Variants in PBXIP1 observed in about 807,000 individuals in gnomAD.
PBXIP1 encodes PBX homeobox interacting protein 1.
A neutral mutation model predicts 73.7 loss-of-function variants in PBXIP1; 73 were observed. The ratio of observed to expected loss-of-function variants is 0.99; its 90% CI spans 0.82 to 1.20. The LOEUF is 1.20. Ranked by LOEUF, PBXIP1 falls within the 50% of genes most tolerant of loss-of-function variation. The pLI, the probability that PBXIP1 is intolerant of heterozygous loss-of-function variation, is 0.00. For synonymous variants in PBXIP1, 330 were observed against 366.9 expected, an observed-to-expected ratio of 0.90 and a Z score of 1.15; for missense variants, 818 against 911.4, an observed-to-expected ratio of 0.90 and a Z score of 1.32.
intron 2 of PBXIP1, 109 bp downstream of exon 2, chr1:154,953,562 T>C (rs1655076425): frequency 5.9e-6 from 4 of 676,052 alleles, no homozygotes; most frequent in South Asian, 1.7e-5. Context: ...CAGGAAGTGA[T>C]GTAGGTGACC....
Position 154,951,710 on chromosome 1 carries a change from T to A in PBXIP1, c.178+85A>T. On this transcript the variant is annotated intron_variant, in intron 3 of 10. Transcript: ENST00000368463. The surrounding 1 kb of genome is among the most constrained non-coding windows in gnomAD (Gnocchi z 4.3). ...ATGGAGGAACTAAAACGAACCAGCC[T>A]CCCTTTCTCTGAGGAAACTGAGAAA... The A allele has an allele frequency of 6.6e-7, 1 of 1,513,432 alleles. No individual in the cohort carries two copies. The highest frequency in any genetic ancestry group is 9.1e-7 in the Non-Finnish European group (1 of 1,101,726). The allele number at this position is 1,513,432 out of a possible 1,614,324, so 93.8% of individuals were successfully genotyped here. A position where few individuals can be genotyped will look rare whatever the true frequency, so the allele number is the denominator to read the frequency against.
intron 2 of PBXIP1, 44 bp downstream of exon 2, chr1:154,953,627 C>A: frequency 3.7e-6 from 5 of 1,342,968 alleles, no homozygotes; most frequent in Non-Finnish European, 5.3e-6. Flanking sequence ...TGCAGAAACA[C>A]CCCCCAACCC....
chr1:154,955,590 G>A (rs936627156), intron 1 of PBXIP1, among the ~76,000 whole-genome samples: 1 of 152,110 alleles, frequency 6.6e-6, no homozygotes, highest in Non-Finnish European at 1.5e-5. Flanking sequence ...GCCTTATTAG[G>A]AAGTTCCTTC....
chr1:154,947,777 C>T (rs1571397266), intron 7 of PBXIP1, 65 bp from the exon 8 acceptor site: 1 of 1,525,190 alleles, frequency 6.6e-7, no homozygotes, highest in East Asian at 2.3e-5. Flanking sequence ...CCCACACCTT[C>T]CCATTCACAC....
intron 10 of PBXIP1, 134 bp from the exon 11 acceptor site, chr1:154,945,251 T>G (rs1252808699): frequency 3.0e-6 from 2 of 666,624 alleles, no homozygotes; most frequent in Admixed American, 2.8e-5. Flanking sequence ...AAAAACCTGG[T>G]CTCCCAGGAT....
At chr1:154,947,777 C>A in intron 7 of PBXIP1, 65 bp from the exon 8 acceptor site, 2 of 1,525,190 alleles carry the variant, frequency 1.3e-6, no homozygotes, top group Non-Finnish European at 1.8e-6. Context: ...CCCACACCTT[C>A]CCATTCACAC....
In PBXIP1 at chr1:154,946,817, T is replaced by A. The variant is rs1446275952; in HGVS notation, c.871-14A>T. The A allele has an allele frequency of 6.6e-7, 1 of 1,516,360 alleles. No individual in the cohort carries two copies. Among genetic ancestry groups the A allele is most frequent in the African/African-American group, 1.4e-5 (1 of 71,712 alleles). 93.9% of individuals were successfully genotyped at this position (1,516,360 alleles called of 1,614,324 possible). ...TTCCTTTTGGGCCTAGAATATGGTTTGGGACAAAGGAAGTCACAAAGAGTT... is the reference window on the plus strand; with the variant it reads ...TTCCTTTTGGGCCTAGAATATGGTTAGGGACAAAGGAAGTCACAAAGAGTT... On this transcript the variant is annotated splice_polypyrimidine_tract_variant and intron_variant, in intron 9 of 10. Transcript: ENST00000368463.
chr1:154,948,936 A>G (rs1046067940), intron 5 of PBXIP1, among the ~76,000 whole-genome samples: 4 of 152,050 alleles, frequency 2.6e-5, no homozygotes, highest in African/African-American at 9.7e-5. Context: ...CAAACATTCA[A>G]CACACTGCTC....
chr1:154,946,716 C>T lies in PBXIP1; in HGVS notation c.958G>A (p.Gly320Ser), dbSNP rs1173731894. The part of the protein sequence containing the change: ...NAQLRGALQQ[G>S]EAFQRALESE... ...TCCAGAGCCCGCTGGAAGGCTTCGC[C>T]CTGCTGCAGAGCCCCCCGGAGCTGG... The change falls in exon 10 of 11, where the codon GGC (glycine) becomes AGC (serine). Residue 320 changes from glycine (G) to serine (S), a missense_variant. Transcript: ENST00000368463. 6.2e-7 allele frequency: 1 copy of T among 1,609,710 alleles called. No homozygotes were observed. The highest frequency in any genetic ancestry group is 8.5e-7 in the Non-Finnish European group (1 of 1,176,974).
At chr1:154,954,300 G>C (rs1283417066) in intron 1 of PBXIP1, among the ~76,000 whole-genome samples, 1 of 152,188 alleles carries the variant, frequency 6.6e-6, no homozygotes, top group Non-Finnish European at 1.5e-5. Flanking sequence ...GTATGGTCTA[G>C]TTCAGTGGTT....
chr1:154,945,762 G>C lies in PBXIP1; in HGVS notation c.1912C>G (p.Leu638Val). ...WAGQLTKELP[L>V]SPAFFGEDGI... ...TCCTCACCAAAGAAAGCAGGTGAGA[G>C]GGGTAGCTCCTTGGTCAGCTGCCCA... Residue 638 changes from leucine (L) to valine (V), a missense_variant, in exon 10 of 11, where the codon CTC becomes GTC. Coordinates refer to ENST00000368463, the MANE Select transcript of PBXIP1 (RefSeq NM_020524.4). 1 of 1,614,222 alleles carries C rather than the reference G, an allele frequency of 6.2e-7. No individual in the cohort carries two copies. The highest frequency in any genetic ancestry group is 8.5e-7 in the Non-Finnish European group (1 of 1,180,020).
chr1:154,946,463 A>T lies in PBXIP1; in HGVS notation c.1211T>A (p.Leu404Gln), dbSNP rs75991575. The part of the protein sequence containing the change: ...LRQELERQRR[L>Q]LGSVQQDLER... ...CAGATCCTGCTGTACAGACCCCAGC[A>T]GCCGTCGCTGCCTCTCTAACTCTTG... The change falls in exon 10 of 11, where the codon CTG becomes CAG. Residue 404 changes from leucine to glutamine, a missense_variant. Coordinates refer to ENST00000368463, the MANE Select transcript of PBXIP1 (RefSeq NM_020524.4). 2,227 of 1,608,520 alleles carry T rather than the reference A, an allele frequency of 1.4e-3. 53 individuals carry two copies. In the East Asian group the frequency reaches 0.045, roughly 33 times the overall value.
chr1:154,945,559 C>A lies in PBXIP1; in HGVS notation c.2102+13G>T, dbSNP rs745919023. 3.1e-6 allele frequency: 5 copies of A among 1,606,146 alleles called. No individual in the cohort carries two copies. The highest frequency in any genetic ancestry group is 1.7e-5 in the Admixed American group (1 of 59,784). On this transcript the variant is annotated intron_variant, in intron 10 of 10. Transcript: ENST00000368463. ...TCTGTCCCACCCGACCCAACTCCCC[C>A]ACAGCTGCCCACCTCTTCTTCAGTG...
At position 154,944,768 on chromosome 1, in the gene PBXIP1, T is replaced by C; in HGVS notation, c.*256A>G. 1 of 456,538 alleles carries C rather than the reference T, an allele frequency of 2.2e-6. No individual in the cohort carries two copies. The highest frequency in any genetic ancestry group is 3.4e-5 in the South Asian group (1 of 29,384). The allele number at this position is 456,538 out of a possible 1,614,324, so 28.3% of individuals were successfully genotyped here. On this transcript the variant is annotated 3_prime_UTR_variant, in exon 11 of 11. Coordinates refer to ENST00000368463, the MANE Select transcript of PBXIP1 (RefSeq NM_020524.4). ...ACAGGCTCCTCTCCCATCTCCCCCT[T>C]CACAGTGACAAAACACAAGCCCACA...
rs1654829234 is a variant in PBXIP1, at chr1:154,946,538, C to G, written c.1136G>C (p.Ser379Thr). 1 of 1,611,968 alleles carries G rather than the reference C, an allele frequency of 6.2e-7. No homozygotes were observed. The highest frequency in any genetic ancestry group is 8.5e-7 in the Non-Finnish European group (1 of 1,180,038). Residue 379 changes from serine (S) to threonine (T), a missense_variant, in exon 10 of 11, where the codon AGC becomes ACC. Ser to Thr is a moderately conservative substitution (Grantham distance 58). Transcript: ENST00000368463. ...QGPREQEPEL[S>T]FLKQKEQLEA... is the part of the protein sequence containing the mutation. ...CAGCTGTTCCTTCTGCTTCAGGAAGCTGAGTTCTGGCTCCTGCTCCCTGGG... is the reference window on the plus strand; with the variant it reads ...CAGCTGTTCCTTCTGCTTCAGGAAGGTGAGTTCTGGCTCCTGCTCCCTGGG...
In PBXIP1 at chr1:154,948,104, A is replaced by C. The variant is rs1243664073; in HGVS notation, c.643+29T>G. On this transcript the variant is annotated intron_variant, in intron 6 of 10. Transcript: ENST00000368463. ...GGAAGGCAGGCAGGCATGGAAGCCC[A>C]AAGCCCCAGCCTCAGAGGTACCACT... is the stretch of plus-strand genomic sequence containing the variant. 5 of 1,569,448 alleles carry C rather than the reference A, an allele frequency of 3.2e-6. No homozygotes were observed. In the African/African-American group the frequency reaches 4.1e-5, roughly 13 times the overall value.
intron 2 of PBXIP1, among the ~76,000 whole-genome samples, chr1:154,953,339 A>T (rs190255603): frequency 1.3e-5 from 2 of 151,446 alleles, no homozygotes; most frequent in African/African-American, 4.8e-5. Context: ...TCTCCACATC[A>T]CCCATGGGTG....
At chr1:154,955,640 T>A (rs1558041861) in intron 1 of PBXIP1, among the ~76,000 whole-genome samples, 1 of 152,160 alleles carries the variant, frequency 6.6e-6, no homozygotes, top group Non-Finnish European at 1.5e-5. Flanking sequence ...TGTTTCCAGA[T>A]CTTTTTCTTT....
In PBXIP1 at chr1:154,945,565, T is replaced by A; in HGVS notation, c.2102+7A>T. The stretch of plus-strand genomic sequence containing the variant: ...CCACCCGACCCAACTCCCCCACAGC[T>A]GCCCACCTCTTCTTCAGTGCTTTGT... On this transcript the variant is annotated splice_region_variant and intron_variant, in intron 10 of 10. Transcript: ENST00000368463. 6.2e-7 allele frequency: 1 copy of A among 1,607,750 alleles called. No individual in the cohort carries two copies. Among genetic ancestry groups the A allele is most frequent in the Non-Finnish European group, 8.5e-7 (1 of 1,175,092 alleles).
Sources: gnomAD v4.1 joint callset for allele counts (sites outside exome capture counted in the v4.1 genomes callset) on GRCh38, gnomAD v4.1.1 for gene constraint, Gnocchi (gnomAD v3.1) non-coding constraint, MANE v1.5 for transcripts, NCBI Gene and HGNC (gene_info 2026-07-23, HGNC 2026-07-21) for gene names.